The following PIR variants were observed in gnomAD, a reference collection of about 807,000 sequenced individuals.
PIR encodes pirin.
In PIR, 22 loss-of-function variants were observed where a neutral mutation model predicts 24.2. That is an observed-to-expected ratio of 0.91 (90% CI 0.65 to 1.30). The LOEUF (loss-of-function observed/expected upper bound fraction) is 1.30. PIR is among the 50% of genes most tolerant of loss of function. The pLI is 0.00. For synonymous variants in PIR, 80 were observed against 79.6 expected, an observed-to-expected ratio of 1.00 and a Z score of -0.03; for missense variants, 220 against 220.3, an observed-to-expected ratio of 1.00 and a Z score of 0.01.
chrX:15,490,861 C>T (rs1019656920), intron 2 of PIR, among the ~76,000 whole-genome samples: 1 of 111,962 alleles, frequency 8.9e-6, no homozygotes, highest in Non-Finnish European at 1.9e-5. Flanking sequence ...GCATGTTTGG[C>T]GATATGCATG....
At chrX:15,465,743 A>T (rs1446184176) in intron 3 of PIR, among the ~76,000 whole-genome samples, 3 of 112,037 alleles carry the variant, frequency 2.7e-5, no homozygotes, top group African/African-American at 9.7e-5. Flanking sequence ...AACACACAAT[A>T]GTGATGAAAG....
At chrX:15,407,739 CACAA>C in intron 6 of PIR, 189 bp from the exon 7 acceptor site, 1 of 425,720 alleles carries the variant, frequency 2.3e-6, no homozygotes, top group East Asian at 3.8e-5. Context: ...CTTTCTCACA[CACAA>C]ACACAGACAT....
chrX:15,442,306 C>T (rs1296034566), intron 5 of PIR, among the ~76,000 whole-genome samples: 2 of 111,189 alleles, frequency 1.8e-5, no homozygotes, highest in South Asian at 3.8e-4. Context: ...TAAGACACAT[C>T]GAACTTAACT....
chrX:15,435,997 G>A (rs1051661808), intron 5 of PIR, among the ~76,000 whole-genome samples: 37 of 112,261 alleles, frequency 3.3e-4, no homozygotes, highest in African/African-American at 9.1e-4. Flanking sequence ...CAAAGGTATC[G>A]TGGGAAGGAT....
At chrX:15,393,519 C>G (rs1855026996) in intron 8 of PIR, among the ~76,000 whole-genome samples, 1 of 111,009 alleles carries the variant, frequency 9.0e-6, no homozygotes, top group African/African-American at 3.3e-5. Context: ...GGCTGCACAA[C>G]AGGTGAGTGG....
chrX:15,462,737 C>T (rs1019213135), intron 3 of PIR, among the ~76,000 whole-genome samples: 2 of 112,069 alleles, frequency 1.8e-5, no homozygotes, highest in Non-Finnish European at 3.8e-5. Flanking sequence ...TTTTGCCCTA[C>T]ATATTTGTAT....
At chrX:15,485,917 C>T (rs972327663) in intron 2 of PIR, among the ~76,000 whole-genome samples, 8 of 111,999 alleles carry the variant, frequency 7.1e-5, no homozygotes, top group Non-Finnish European at 1.3e-4. Context: ...CCAACTCATT[C>T]ACATCTTTCT....
chrX:15,417,210 A>G (rs1924951350), intron 6 of PIR, among the ~76,000 whole-genome samples: 1 of 95,302 alleles, frequency 1.0e-5, no homozygotes, highest in Non-Finnish European at 2.1e-5. Flanking sequence ...TCAGCCTACC[A>G]AAGTATTAAG....
chrX:15,476,634 A>G (rs1922206979), intron 3 of PIR, among the ~76,000 whole-genome samples: 1 of 111,458 alleles, frequency 9.0e-6, no homozygotes, highest in Non-Finnish European at 1.9e-5. Context: ...CTATAAAATA[A>G]TAAAAAGAAT....
intron 3 of PIR, among the ~76,000 whole-genome samples, chrX:15,470,847 C>T (rs1339367741): frequency 9.0e-6 from 1 of 111,623 alleles, no homozygotes; most frequent in African/African-American, 3.3e-5. Context: ...AAGTGATCCA[C>T]CTGCCTTAGC....
At chrX:15,431,750 C>A (rs1487757681) in intron 5 of PIR, among the ~76,000 whole-genome samples, 4 of 102,447 alleles carry the variant, frequency 3.9e-5, no homozygotes, top group Non-Finnish European at 7.9e-5. Flanking sequence ...TTTAAAGGCA[C>A]CACCTCCACA....
chrX:15,488,717 T>C (rs779708321), intron 2 of PIR, among the ~76,000 whole-genome samples: 1 of 111,908 alleles, frequency 8.9e-6, no homozygotes, highest in Non-Finnish European at 1.9e-5. Flanking sequence ...TTCCTATCCA[T>C]TTATTTTTCC....
intron 9 of PIR, among the ~76,000 whole-genome samples, chrX:15,387,158 C>T (rs1923796782): frequency 1.1e-5 from 1 of 90,550 alleles, no homozygotes; most frequent in Non-Finnish European, 2.1e-5. Context: ...GTGAGTGGTG[C>T]GATCTTGGCT....
chrX:15,388,356 G>A (rs773616050), intron 9 of PIR, among the ~76,000 whole-genome samples: 1 of 111,804 alleles, frequency 8.9e-6, no homozygotes, highest in South Asian at 3.7e-4. Flanking sequence ...AGCAATGGAC[G>A]ACCAGCATGG....
chrX:15,448,339 C>T (rs191743210), intron 5 of PIR, among the ~76,000 whole-genome samples: 286 of 112,372 alleles, frequency 2.5e-3, no homozygotes, highest in African/African-American at 7.9e-3. Flanking sequence ...CCTAATTGTG[C>T]CTATTCTCAA....
At chrX:15,476,497 T>A (rs1347705381) in intron 3 of PIR, among the ~76,000 whole-genome samples, 1 of 111,342 alleles carries the variant, frequency 9.0e-6, no homozygotes, top group Non-Finnish European at 1.9e-5. Context: ...TTCCTTCTAT[T>A]TTGTATCTAT....
chrX:15,455,814 C>G (rs758821725), intron 5 of PIR, 34 bp downstream of exon 5: 1 of 1,106,738 alleles, frequency 9.0e-7, no homozygotes, highest in East Asian at 3.0e-5. Context: ...TCACTGCATG[C>G]CTCAGGTTAA....
chrX:15,422,134 A>G (rs1925151311), intron 6 of PIR, among the ~76,000 whole-genome samples: 1 of 111,480 alleles, frequency 9.0e-6, no homozygotes, highest in African/African-American at 3.3e-5. Flanking sequence ...AACTGGGTAT[A>G]GAATGAACGT....
intron 3 of PIR, among the ~76,000 whole-genome samples, chrX:15,477,312 A>G: frequency 9.0e-6 from 1 of 111,482 alleles, no homozygotes; most frequent in East Asian, 2.8e-4. Context: ...ATTTTTATAG[A>G]AAAAATGTTC....
Sources: gnomAD v4.1 joint callset for allele counts (sites outside exome capture counted in the v4.1 genomes callset) on GRCh38, gnomAD v4.1.1 for gene constraint, MANE v1.5 for transcripts, NCBI Gene and HGNC (gene_info 2026-07-23, HGNC 2026-07-21) for gene names.